PRKN: variants seen among roughly 807,000 people sequenced by gnomAD.
The protein encoded by PRKN is E3 ubiquitin-protein ligase parkin.
A neutral mutation model predicts 59.5 loss-of-function variants in PRKN; 56 were observed. The observed-to-expected ratio is 0.94, with a 90% CI of 0.76 to 1.18. The LOEUF is 1.18. Ranked by LOEUF, PRKN falls within the 50% of genes most tolerant of loss-of-function variation. PRKN has a pLI of 0.00. For missense variants in PRKN, 657 were observed against 596.4 expected, an observed-to-expected ratio of 1.10 and a Z score of -1.06; for synonymous variants, 250 against 222.1, an observed-to-expected ratio of 1.13 and a Z score of -1.12.
chr6:162,721,575 G>A (rs1394676701), intron 1 of PRKN, among the ~76,000 whole-genome samples: 1 of 152,000 alleles, frequency 6.6e-6, no homozygotes, highest in Admixed American at 6.6e-5. Context: ...ACTCCTACTT[G>A]TCCTGCAGGA....
intron 7 of PRKN, 78 bp downstream of exon 7, chr6:161,785,694 T>G: frequency 1.4e-6 from 2 of 1,405,632 alleles, no homozygotes; most frequent in Non-Finnish European, 2.0e-6. Context: ...TACGTATATC[T>G]AAGCCAGTTT....
At chr6:162,273,543 T>C (rs1280489246) in intron 2 of PRKN, among the ~76,000 whole-genome samples, 1 of 152,286 alleles carries the variant, frequency 6.6e-6, no homozygotes, top group East Asian at 1.9e-4. Flanking sequence ...TGGTATGATA[T>C]AGGTGTAGGA....
rs114921628 is a variant in PRKN at position 162,405,073 on chromosome 6, A to G, written c.171+38237T>C. 2.2e-3 allele frequency among the ~76,000 whole-genome samples: 328 copies of G among 152,270 alleles called. 2 individuals are homozygous for G. Among genetic ancestry groups the G allele is most frequent in the African/African-American group, 7.6e-3 (315 of 41,552 alleles). ...CAAAACACCATGAATGTTTCACAATATGCCCCGCTCAGAGGTCAGCCCCTC... is the reference window on the plus strand; with the variant it reads ...CAAAACACCATGAATGTTTCACAATGTGCCCCGCTCAGAGGTCAGCCCCTC... On this transcript the variant is annotated intron_variant, in intron 2 of 11. Transcript: ENST00000366898.
intron 7 of PRKN, among the ~76,000 whole-genome samples, chr6:161,679,360 G>A (rs1785213132): frequency 6.6e-6 from 1 of 152,074 alleles, no homozygotes; most frequent in African/African-American, 2.4e-5. Flanking sequence ...ATCCTGGGAG[G>A]GTCTGCTTCA....
chr6:162,536,870 T>C (rs1400936273), intron 1 of PRKN, among the ~76,000 whole-genome samples: 1 of 152,224 alleles, frequency 6.6e-6, no homozygotes. Context: ...CAAAGATGCA[T>C]TGATTTCTTT....
At chr6:161,933,989 G>C (rs1366699626) in intron 6 of PRKN, among the ~76,000 whole-genome samples, 1 of 152,236 alleles carries the variant, frequency 6.6e-6, no homozygotes, top group Non-Finnish European at 1.5e-5. Context: ...TTATAATGCT[G>C]ATATGGTTAG....
intron 6 of PRKN, among the ~76,000 whole-genome samples, chr6:161,904,312 T>G (rs2155491): frequency 1.5e-5 from 2 of 131,820 alleles, no homozygotes; most frequent in Non-Finnish European, 1.6e-5. Flanking sequence ...TTGTGGGGTT[T>G]TTTTTTTTTT....
chr6:161,782,884 A>C (rs940686617), intron 7 of PRKN, among the ~76,000 whole-genome samples: 2 of 152,048 alleles, frequency 1.3e-5, no homozygotes, highest in Non-Finnish European at 2.9e-5. Flanking sequence ...ACAGAGCAAG[A>C]CTCCATCTCA....
intron 2 of PRKN, among the ~76,000 whole-genome samples, chr6:162,415,332 T>C (rs747594734): frequency 1.3e-5 from 2 of 152,124 alleles, no homozygotes; most frequent in Non-Finnish European, 2.9e-5. Context: ...AATGCAGCAA[T>C]TGTGTGGAGG....
intron 2 of PRKN, among the ~76,000 whole-genome samples, chr6:162,414,374 A>G (rs1431220149): frequency 6.6e-6 from 1 of 152,014 alleles, no homozygotes; most frequent in Non-Finnish European, 1.5e-5. Flanking sequence ...AGGACAAGGC[A>G]TCATTGTCTA....
chr6:162,022,397 A>T, intron 5 of PRKN, among the ~76,000 whole-genome samples: 1 of 152,000 alleles, frequency 6.6e-6, no homozygotes, highest in East Asian at 1.9e-4. Context: ...CTGGTATCTC[A>T]TGTGGTTTTC....
intron 5 of PRKN, among the ~76,000 whole-genome samples, chr6:161,985,446 A>C (rs1018730810): frequency 3.3e-5 from 5 of 152,188 alleles, no homozygotes; most frequent in African/African-American, 1.2e-4. Flanking sequence ...TTTGACCTCC[A>C]GGAGAGGACA....
intron 4 of PRKN, among the ~76,000 whole-genome samples, chr6:162,124,840 C>T (rs9347591): frequency 6.6e-6 from 1 of 151,828 alleles, no homozygotes; most frequent in South Asian, 2.1e-4. Flanking sequence ...ATCCATGTTT[C>T]GGGTGCTGAG....
chr6:162,606,562 C>T (rs1329224251), intron 1 of PRKN, among the ~76,000 whole-genome samples: 1 of 151,924 alleles, frequency 6.6e-6, no homozygotes, highest in African/African-American at 2.4e-5. Flanking sequence ...GTAGTTCAGT[C>T]AAGAAAAGAT....
rs370581956 is a variant in PRKN at position 162,334,811 on chromosome 6, T to C, written c.172-72046A>G. Among the ~76,000 whole-genome samples the C allele has an allele frequency of 7.9e-5, 12 of 152,268 alleles. No homozygotes were observed. The East Asian group carries it at 2.3e-3, about 29-fold the overall frequency. On this transcript the variant is annotated intron_variant, in intron 2 of 11. Transcript: ENST00000366898. ...GTGCTCTAACAACATTCATGATTCA[T>C]GGGAAGAGGTCAAAATATCAATATG...
intron 1 of PRKN, among the ~76,000 whole-genome samples, chr6:162,454,995 G>A (rs1337650513): frequency 6.6e-6 from 1 of 152,222 alleles, no homozygotes; most frequent in African/African-American, 2.4e-5. Flanking sequence ...CACGTGGGTT[G>A]AGTTAGGCTG....
chr6:162,705,141 T>A (rs1376646963), intron 1 of PRKN, among the ~76,000 whole-genome samples: 1 of 152,196 alleles, frequency 6.6e-6, no homozygotes, highest in Non-Finnish European at 1.5e-5. Flanking sequence ...CCAATATCTA[T>A]GATGGAAACC....
chr6:162,488,688 G>T (rs942415563), intron 1 of PRKN, among the ~76,000 whole-genome samples: 4 of 152,054 alleles, frequency 2.6e-5, no homozygotes, highest in African/African-American at 9.7e-5. Context: ...CACTGCATAG[G>T]GCTGCTTGTG....
chr6:161,635,740 G>T (rs1364237172), intron 7 of PRKN, among the ~76,000 whole-genome samples: 1 of 152,188 alleles, frequency 6.6e-6, no homozygotes, highest in Non-Finnish European at 1.5e-5. Flanking sequence ...GAGTTCCAGA[G>T]TCCCAGGTAG....
Sources: gnomAD v4.1 joint callset for allele counts (sites outside exome capture counted in the v4.1 genomes callset) on GRCh38, gnomAD v4.1.1 for gene constraint, MANE v1.5 for transcripts, NCBI Gene and HGNC (gene_info 2026-07-23, HGNC 2026-07-21) for gene names.